Variants in PDE10A observed in about 807,000 individuals in gnomAD.
PDE10A encodes cAMP and cAMP-inhibited cGMP 3',5'-cyclic phosphodiesterase 10A.
A neutral mutation model predicts 97.7 loss-of-function variants in PDE10A; 39 were observed. That is an observed-to-expected ratio of 0.40 (90% confidence interval 0.31 to 0.52). The LOEUF (loss-of-function observed/expected upper bound fraction) is 0.52. Among genes scored for constraint, PDE10A ranks in the 20% least tolerant of loss-of-function variants. The pLI is 0.56. For synonymous variants in PDE10A, 371 were observed against 376.8 expected (o/e 0.98, Z 0.18); for missense variants, 731 against 1,047.8 (o/e 0.70, Z 4.17).
At chr6:165,806,196 C>A (rs1425500461) in intron 1 of PDE10A, among the ~76,000 whole-genome samples, 3 of 152,052 alleles carry the variant, frequency 2.0e-5, no homozygotes, top group Non-Finnish European at 4.4e-5. Context: ...AGGAGTCAGT[C>A]AACGTGGCTG....
At chr6:165,568,536 T>C (rs1194545928) in intron 1 of PDE10A, among the ~76,000 whole-genome samples, 1 of 152,206 alleles carries the variant, frequency 6.6e-6, no homozygotes, top group Non-Finnish European at 1.5e-5. Context: ...AGCGTCTCCA[T>C]GCTGTAGACA....
intron 3 of PDE10A, among the ~76,000 whole-genome samples, chr6:165,452,010 G>A (rs1237308762): frequency 6.6e-6 from 1 of 152,210 alleles, no homozygotes; most frequent in Non-Finnish European, 1.5e-5. Context: ...AGATTGGAAT[G>A]CTAGATTTGG....
intron 18 of PDE10A, among the ~76,000 whole-genome samples, chr6:165,377,566 A>G (rs1340154074): frequency 6.6e-6 from 1 of 152,210 alleles, no homozygotes; most frequent in Non-Finnish European, 1.5e-5. Context: ...TTCCTATATT[A>G]TAATAATCAT....
At chr6:165,426,662 C>T (rs1789187881) in intron 10 of PDE10A, among the ~76,000 whole-genome samples, 1 of 152,032 alleles carries the variant, frequency 6.6e-6, no homozygotes, top group African/African-American at 2.4e-5. Context: ...TCAAATGACA[C>T]TATCAAGAAA....
chr6:165,960,899 A>G (rs1332941965), intron 1 of PDE10A, among the ~76,000 whole-genome samples: 1 of 152,202 alleles, frequency 6.6e-6, no homozygotes, highest in Non-Finnish European at 1.5e-5. Flanking sequence ...GCTGGCCCCC[A>G]GGAGTGGGGC....
At chr6:165,569,969 A>G (rs140356883) in intron 1 of PDE10A, among the ~76,000 whole-genome samples, 44 of 152,320 alleles carry the variant, frequency 2.9e-4, no homozygotes, top group African/African-American at 1.1e-3. Flanking sequence ...GAGAGCCAAG[A>G]AAAGTTAGGA....
chr6:165,339,407 A>G, intron 19 of PDE10A, 49 bp from the exon 20 acceptor site: 1 of 1,082,926 alleles, frequency 9.2e-7, no homozygotes, highest in Non-Finnish European at 1.4e-6. Flanking sequence ...TCAAATTGCT[A>G]TACTATTTTG....
chr6:165,518,057 T>C (rs1045868147), intron 2 of PDE10A, among the ~76,000 whole-genome samples: 1 of 152,190 alleles, frequency 6.6e-6, no homozygotes, highest in African/African-American at 2.4e-5. Flanking sequence ...AGATCCCAAA[T>C]TCAATTTTAA....
intron 1 of PDE10A, among the ~76,000 whole-genome samples, chr6:165,889,324 G>T (rs1398741263): frequency 6.6e-6 from 1 of 152,178 alleles, no homozygotes; most frequent in East Asian, 1.9e-4. Flanking sequence ...TGCACACATT[G>T]TTACTTCTAC....
At chr6:165,407,187 A>G (rs1787255057) in intron 13 of PDE10A, among the ~76,000 whole-genome samples, 1 of 152,184 alleles carries the variant, frequency 6.6e-6, no homozygotes, top group Non-Finnish European at 1.5e-5. Context: ...TCCATATTTT[A>G]TATATAAAAT....
chr6:165,903,889 C>A (rs895912941), intron 1 of PDE10A, among the ~76,000 whole-genome samples: 1 of 152,080 alleles, frequency 6.6e-6, no homozygotes, highest in Non-Finnish European at 1.5e-5. Flanking sequence ...AAGAGGGCAT[C>A]AAGAAGAGGG....
At chr6:165,475,987 C>T (rs1021681610) in intron 3 of PDE10A, among the ~76,000 whole-genome samples, 1 of 152,036 alleles carries the variant, frequency 6.6e-6, no homozygotes, top group Non-Finnish European at 1.5e-5. Flanking sequence ...CTGGTGCCAC[C>T]GACGCTCACT....
upstream of PDE10A, among the ~76,000 whole-genome samples, chr6:165,665,694 G>GA (rs1025941216): frequency 2.7e-3 from 372 of 136,260 alleles, no homozygotes; most frequent in African/African-American, 2.5e-3. Context: ...ACGTTGCAAA[G>GA]AAAAAAAAAA....
At chr6:165,950,406 C>T (rs894925857) in intron 1 of PDE10A, among the ~76,000 whole-genome samples, 3 of 152,186 alleles carry the variant, frequency 2.0e-5, no homozygotes, top group Non-Finnish European at 4.4e-5. Flanking sequence ...GAATTTTTAG[C>T]TTCTGATTTC....
intron 1 of PDE10A, among the ~76,000 whole-genome samples, chr6:165,696,777 G>A (rs141491711): frequency 4.6e-5 from 7 of 152,228 alleles, no homozygotes; most frequent in East Asian, 3.9e-4. Flanking sequence ...ACAACTAAAC[G>A]AAACCATGAT....
intron 10 of PDE10A, among the ~76,000 whole-genome samples, chr6:165,424,086 C>A (rs1788936067): frequency 6.6e-6 from 1 of 152,144 alleles, no homozygotes; most frequent in African/African-American, 2.4e-5. Flanking sequence ...CAGGAGCACA[C>A]TGTTCCCCCA....
intron 1 of PDE10A, among the ~76,000 whole-genome samples, chr6:165,633,324 A>G (rs917545954): frequency 2.0e-5 from 3 of 152,206 alleles, no homozygotes; most frequent in Non-Finnish European, 2.9e-5. Context: ...ACACCCATTC[A>G]GTTCATGTCC....
intron 1 of PDE10A, among the ~76,000 whole-genome samples, chr6:165,918,278 C>G (rs917906080): frequency 1.3e-5 from 2 of 152,158 alleles, no homozygotes; most frequent in African/African-American, 4.8e-5. Context: ...CCCTCCCTCT[C>G]CAGAGTGTAT....
chr6:165,548,741 C>T (rs576980006), intron 1 of PDE10A, among the ~76,000 whole-genome samples: 2 of 152,092 alleles, frequency 1.3e-5, no homozygotes, highest in East Asian at 3.8e-4. Context: ...CATTTATTAG[C>T]TGAAATAATA....
Sources: gnomAD v4.1 joint callset for allele counts (sites outside exome capture counted in the v4.1 genomes callset) on GRCh38, gnomAD v4.1.1 for gene constraint, MANE v1.5 for transcripts, NCBI Gene and HGNC (gene_info 2026-07-23, HGNC 2026-07-21) for gene names.